Variants in NRXN3 observed in about 807,000 individuals in gnomAD.
NRXN3 encodes the protein neurexin III.
NRXN3 carries 32 observed loss-of-function variants against 137.6 expected under a neutral mutation model. That is an observed-to-expected ratio of 0.23 (90% CI 0.18 to 0.31). NRXN3 has a LOEUF of 0.31. NRXN3 is among the 10% of genes least tolerant of loss of function. The pLI is 1.00. For synonymous variants in NRXN3, 798 were observed against 784.5 expected, an observed-to-expected ratio of 1.02 and a Z score of -0.29; for missense variants, 1,574 against 2,062.5, an observed-to-expected ratio of 0.76 and a Z score of 4.59.
At chr14:79,324,348 G>T (rs1227795364) in intron 15 of NRXN3, among the ~76,000 whole-genome samples, 1 of 152,166 alleles carries the variant, frequency 6.6e-6, no homozygotes, top group African/African-American at 2.4e-5. Context: ...TTTCAGGGAA[G>T]CAAGAACTCT....
In NRXN3 at chr14:79,551,820, G is replaced by C. The variant is rs78065442; in HGVS notation, c.3444+84418G>C. ...GGAAGTTTCTAGTGTTTCTGGGCAT[G>C]GCTGAGCGCACAGCTCATAAAAAAT... On this transcript the variant is annotated intron_variant, in intron 16 of 20. Transcript: ENST00000335750. Among the ~76,000 whole-genome samples, 1,152 of 152,240 alleles carry C rather than the reference G, an allele frequency of 7.6e-3. 5 individuals are homozygous for C. The highest frequency in any genetic ancestry group is 0.012 in the Non-Finnish European group (813 of 68,014).
rs199705574 is a variant in NRXN3, at chr14:79,357,715, G to GAT, written c.3263-109496_3263-109495dup. Among the ~76,000 whole-genome samples, 73 of 152,028 alleles carry GAT rather than the reference G, an allele frequency of 4.8e-4. 1 individual carries two copies. The highest frequency in any genetic ancestry group is 2.1e-3 in the East Asian group (11 of 5,176). On this transcript the variant is annotated intron_variant, in intron 15 of 20. Transcript: ENST00000335750. ...GGATTTAAGAAAAATAAAATAAACT[G>GAT]ATATATATATACATACCTTTAGAAG...
rs556913263 is a variant in NRXN3, at chr14:78,753,372, C to T, written c.2044+38233C>T. Reference sequence around the variant, plus strand: ...ATCATTATGTCCTTAATTTCACAGACGCTGAAACTGCTCTGGTTTTTGGCT... The same window carrying T: ...ATCATTATGTCCTTAATTTCACAGATGCTGAAACTGCTCTGGTTTTTGGCT... On this transcript the variant is annotated intron_variant, in intron 8 of 20. Transcript: ENST00000335750. 3.9e-5 allele frequency among the ~76,000 whole-genome samples: 6 copies of T among 152,270 alleles called. No individual in the cohort carries two copies. In the East Asian group the frequency reaches 7.7e-4, roughly 20 times the overall value.
At chr14:79,236,345 A>G (rs186152413) in intron 15 of NRXN3, among the ~76,000 whole-genome samples, 1 of 152,260 alleles carries the variant, frequency 6.6e-6, no homozygotes, top group African/African-American at 2.4e-5. Context: ...ATGTGTGTGT[A>G]TATGTACATA....
In NRXN3 at chr14:79,574,439, A is replaced by G. The variant is rs899865361; in HGVS notation, c.3445-89339A>G. ...TAATAATAGTATTTATCTTTGTACT[A>G]TTAGATATGATTGAATAAGATATTT... On this transcript the variant is annotated intron_variant, in intron 16 of 20. Transcript: ENST00000335750. 4.6e-5 allele frequency among the ~76,000 whole-genome samples: 7 copies of G among 152,306 alleles called. No homozygotes were observed. In the South Asian group the frequency reaches 8.3e-4, roughly 18 times the overall value.
chr14:79,280,369 G>C, intron 15 of NRXN3: 1 of 1,614,058 alleles, frequency 6.2e-7, no homozygotes, highest in Non-Finnish European at 8.5e-7. Context: ...TCCTGTTCTG[G>C]GGATGTATCG....
At chr14:78,240,992 G>A (rs1251916337) in intron 1 of NRXN3, among the ~76,000 whole-genome samples, 1 of 152,162 alleles carries the variant, frequency 6.6e-6, no homozygotes, top group Non-Finnish European at 1.5e-5. Context: ...CTCACTGTTT[G>A]ATCTGAACAG....
chr14:79,022,825 C>T (rs1016724198), intron 15 of NRXN3, among the ~76,000 whole-genome samples: 2 of 152,158 alleles, frequency 1.3e-5, no homozygotes, highest in African/African-American at 4.8e-5. Flanking sequence ...GGACTGCAGC[C>T]ACCATGTCTT....
intron 8 of NRXN3, among the ~76,000 whole-genome samples, chr14:78,798,537 A>C (rs1346455659): frequency 1.3e-5 from 2 of 152,130 alleles, no homozygotes; most frequent in Non-Finnish European, 2.9e-5. Flanking sequence ...GCAAGCTGTC[A>C]GTGGATTTAC....
At chr14:78,874,215 A>G (rs1265467873) in intron 10 of NRXN3, among the ~76,000 whole-genome samples, 1 of 152,076 alleles carries the variant, frequency 6.6e-6, no homozygotes, top group East Asian at 1.9e-4. Context: ...CAAGTGATCC[A>G]CTTGCCTTGG....
intron 4 of NRXN3, among the ~76,000 whole-genome samples, chr14:78,372,287 T>A (rs754305923): frequency 2.9e-5 from 4 of 136,842 alleles, no homozygotes; most frequent in Admixed American, 2.4e-4. Context: ...TTTTTTCTTT[T>A]CTTTTCTTTT....
chr14:79,769,248 G>T lies in NRXN3; in HGVS notation c.4015-35864G>T, dbSNP rs547058246. On this transcript the variant is annotated intron_variant, in intron 19 of 20. Coordinates refer to ENST00000335750, the MANE Select transcript of NRXN3 (RefSeq NM_001330195.2). Reference sequence around the variant, plus strand: ...CCCCAATCTAGCAAGGCAGGCCAACGTTCAGATTCAGGAAATACAGAGAAC... The same window carrying T: ...CCCCAATCTAGCAAGGCAGGCCAACTTTCAGATTCAGGAAATACAGAGAAC... 9.3e-5 allele frequency among the ~76,000 whole-genome samples: 14 copies of T among 149,738 alleles called. No individual in the cohort carries two copies. The East Asian group carries it at 2.8e-3, about 29-fold the overall frequency.
At chr14:79,073,564 G>T (rs984991344) in intron 15 of NRXN3, among the ~76,000 whole-genome samples, 1 of 152,124 alleles carries the variant, frequency 6.6e-6, no homozygotes, top group African/African-American at 2.4e-5. Flanking sequence ...ACCAGTGTTT[G>T]GTGGCTTAGG....
chr14:79,358,096 G>T (rs2093490438), intron 15 of NRXN3, among the ~76,000 whole-genome samples: 1 of 152,182 alleles, frequency 6.6e-6, no homozygotes, highest in Non-Finnish European at 1.5e-5. Flanking sequence ...CACACAGCAC[G>T]TGAGTTATTC....
At chr14:79,549,829 C>T (rs183112444) in intron 16 of NRXN3, among the ~76,000 whole-genome samples, 2 of 152,220 alleles carry the variant, frequency 1.3e-5, no homozygotes, top group African/African-American at 4.8e-5. Flanking sequence ...CATCTGTCTA[C>T]CGAGGGGCTC....
intron 5 of NRXN3, among the ~76,000 whole-genome samples, chr14:78,649,554 CA>C (rs780407370): frequency 7.0e-6 from 1 of 142,476 alleles, no homozygotes; most frequent in Admixed American, 7.3e-5. Flanking sequence ...TTTTTTCCCC[CA>C]AAAAATGCTT....
At chr14:79,279,999 G>T (rs765358333) in intron 15 of NRXN3, 1 of 1,187,432 alleles carries the variant, frequency 8.4e-7, no homozygotes. Context: ...CCTGACATGC[G>T]TGGCATGCCG....
chr14:79,856,875 C>T (rs1302847797), intron 20 of NRXN3, among the ~76,000 whole-genome samples: 1 of 151,990 alleles, frequency 6.6e-6, no homozygotes, highest in African/African-American at 2.4e-5. Context: ...AAGAAAAGCA[C>T]AATCCTGCCA....
At chr14:79,547,229 G>T (rs1421726999) in intron 16 of NRXN3, among the ~76,000 whole-genome samples, 1 of 152,192 alleles carries the variant, frequency 6.6e-6, no homozygotes, top group Admixed American at 6.5e-5. Context: ...ACTTATAATT[G>T]TATCCTGCAG....
Sources: gnomAD v4.1 joint callset for allele counts (sites outside exome capture counted in the v4.1 genomes callset) on GRCh38, gnomAD v4.1.1 for gene constraint, MANE v1.5 for transcripts, NCBI Gene and HGNC (gene_info 2026-07-23, HGNC 2026-07-21) for gene names.